The following APC variants were observed in gnomAD, a reference collection of about 807,000 sequenced individuals.
APC encodes the protein adenomatous polyposis coli protein.
APC carries 72 observed loss-of-function variants against 247.0 expected under a neutral mutation model. That is an observed-to-expected ratio of 0.29 (90% CI 0.24 to 0.35). The LOEUF (loss-of-function observed/expected upper bound fraction) is 0.35. APC is among the 10% of genes least tolerant of loss of function. The probability of loss-of-function intolerance (pLI) is 1.00; values close to 1 mark genes in which losing one functional copy is unlikely to be tolerated. For synonymous variants in APC, 1,254 were observed against 1,162.5 expected (o/e 1.08, Z -1.60); for missense variants, 3,400 against 3,360.7 (o/e 1.01, Z -0.29).
chr5:112,831,619 C>G (rs142771902), intron 14 of APC, among the ~76,000 whole-genome samples: 50 of 152,282 alleles, frequency 3.3e-4, no homozygotes, highest in African/African-American at 1.1e-3. Context: ...CCTTCTAGCT[C>G]CCCTGCATGT....
At position 112,841,867 on chromosome 5, in the gene APC, T is replaced by C. The variant is rs368356944; in HGVS notation, c.6273T>C (p.Gly2091=). ...KDIQRPDSEH[G]LSPDSENFDW... ...TACAGAGACCAGATTCAGAACATGG[T>C]CTATCCCCTGATTCAGAAAATTTTG... Residue 2091 remains glycine, a synonymous_variant, in exon 16 of 16, where the codon GGT becomes GGC. Coordinates refer to ENST00000257430, the MANE Select transcript of APC (RefSeq NM_000038.6). This position sits in a 1 kb window ranked among gnomAD's most constrained non-coding sequence, Gnocchi z 4.6. 23 of 1,613,980 alleles carry C rather than the reference T, an allele frequency of 1.4e-5. No homozygotes were observed. Among genetic ancestry groups the C allele is most frequent in the Non-Finnish European group, 1.9e-5 (23 of 1,179,902 alleles).
chr5:112,803,098 G>A (rs1761007908), intron 8 of APC, among the ~76,000 whole-genome samples: 1 of 151,986 alleles, frequency 6.6e-6, no homozygotes, highest in Non-Finnish European at 1.5e-5. Context: ...TTTCGTGGGG[G>A]GGCCATTTAG....
At chr5:112,793,433 TAAA>T (rs944210533) in intron 7 of APC, among the ~76,000 whole-genome samples, 4 of 151,306 alleles carry the variant, frequency 2.6e-5, no homozygotes, top group African/African-American at 9.7e-5. Context: ...GAGAGAACAT[TAAA>T]AAGGGAGAAA....
At chr5:112,759,857 T>C (rs1755454947) in intron 2 of APC, among the ~76,000 whole-genome samples, 1 of 152,194 alleles carries the variant, frequency 6.6e-6, no homozygotes, top group African/African-American at 2.4e-5. Context: ...GGAACTGCTT[T>C]GCAATTGTAT....
rs2149883068 is a variant in APC, at chr5:112,838,642, T to C, written c.3048T>C (p.Asp1016=). Reference sequence around the variant, plus strand: ...TACATAGTGCAAATCATATGGATGATAATGATGGAGAACTAGATACACCAA... The same window carrying C: ...TACATAGTGCAAATCATATGGATGACAATGATGGAGAACTAGATACACCAA... ...HKIHSANHMD[D]NDGELDTPIN... Residue 1016 remains aspartate, a synonymous_variant, in exon 16 of 16, where the codon GAT becomes GAC. Coordinates refer to ENST00000257430, the MANE Select transcript of APC (RefSeq NM_000038.6). The C allele has an allele frequency of 6.2e-7, 1 of 1,614,128 alleles. No homozygotes were observed. Among genetic ancestry groups the C allele is most frequent in the Non-Finnish European group, 8.5e-7 (1 of 1,180,020 alleles).
Position 112,840,764 on chromosome 5 carries a change from C to T in APC, c.5170C>T (p.Leu1724Phe), listed in dbSNP as rs201415309. Residue 1724 changes from leucine (L) to phenylalanine (F), a missense_variant, in exon 16 of 16, where the codon CTT becomes TTT. Around this residue, in one of 9 missense-constraint regions of APC, gnomAD observed 1,788 missense variants for 1,649.5 expected, o/e 1.08. Coordinates refer to ENST00000257430, the MANE Select transcript of APC (RefSeq NM_000038.6). The surrounding 1 kb of genome is among the most constrained non-coding windows in gnomAD (Gnocchi z 4.1). ...CAATAAAGCAGAGGAAGGTGATATT[C>T]TTGCAGAATGCATTAATTCTGCTAT... ...DDNKAEEGDI[L>F]AECINSAMPK... is the part of the protein sequence containing the mutation. 6.2e-7 allele frequency: 1 copy of T among 1,613,936 alleles called. No homozygotes were observed. Among genetic ancestry groups the T allele is most frequent in the Non-Finnish European group, 8.5e-7 (1 of 1,179,848 alleles).
At chr5:112,822,449 A>T (rs1045177508) in intron 11 of APC, among the ~76,000 whole-genome samples, 4 of 152,174 alleles carry the variant, frequency 2.6e-5, no homozygotes, top group African/African-American at 9.7e-5. Flanking sequence ...ACTTTACAGG[A>T]TTTTCATCAT....
rs746943534 is a variant in APC, at chr5:112,841,137, C to A, written c.5543C>A (p.Pro1848His). 1 of 1,612,674 alleles carries A rather than the reference C, an allele frequency of 6.2e-7. No homozygotes were observed. Among genetic ancestry groups the A allele is most frequent in the Non-Finnish European group, 8.5e-7 (1 of 1,178,776 alleles). The change falls in exon 16 of 16, where the codon CCT becomes CAT. Residue 1848 changes from proline to histidine, a missense_variant. Pro to His is a moderately conservative substitution (Grantham distance 77). This residue lies in a region of APC where 1,788 missense variants were observed against 1,649.5 expected (regional missense o/e 1.08). Coordinates refer to ENST00000257430, the MANE Select transcript of APC (RefSeq NM_000038.6). This position sits in a 1 kb window ranked among gnomAD's most constrained non-coding sequence, Gnocchi z 4.6. ...FAFDSPHHYT[P>H]IEGTPYCFSR... ...TTTGATTCACCTCATCATTACACGC[C>A]TATTGAAGGAACTCCTTACTGTTTT... is the stretch of plus-strand genomic sequence containing the variant.
chr5:112,801,415 A>G (rs1760815654), intron 8 of APC, 32 bp downstream of exon 8: 2 of 1,427,422 alleles, frequency 1.4e-6, no homozygotes, highest in African/African-American at 1.4e-5. Context: ...ATTTTTTAAA[A>G]TTATTTAAAT....
rs1766280994 is a variant in APC, at chr5:112,842,300, G to A, written c.6706G>A (p.Val2236Ile). 2 of 1,613,904 alleles carry A rather than the reference G, an allele frequency of 1.2e-6. No homozygotes were observed. The highest frequency in any genetic ancestry group is 2.2e-5 in the South Asian group (2 of 91,082). The change falls in exon 16 of 16, where the codon GTT (valine) becomes ATT (isoleucine). Residue 2236 changes from valine to isoleucine, a missense_variant. By Grantham distance (29) the Val-to-Ile change is conservative. This residue lies in a region of APC where 1,788 missense variants were observed against 1,649.5 expected (regional missense o/e 1.08). Coordinates refer to ENST00000257430, the MANE Select transcript of APC (RefSeq NM_000038.6). ...CAGGACAATGATTCATATTCCAGGAGTTCGAAATAGCTCCTCAAGTACAAG... is the reference window on the plus strand; with the variant it reads ...CAGGACAATGATTCATATTCCAGGAATTCGAAATAGCTCCTCAAGTACAAG... Reference protein sequence around the residue: ...RGRTMIHIPGVRNSSSSTSPV... With the variant: ...RGRTMIHIPGIRNSSSSTSPV...
intron 2 of APC, among the ~76,000 whole-genome samples, chr5:112,755,682 A>T (rs1406342494): frequency 6.6e-6 from 1 of 152,256 alleles, no homozygotes; most frequent in African/African-American, 2.4e-5. Context: ...CAGGTTAGAA[A>T]ATCGTCTATA....
At chr5:112,765,607 G>C (rs778766837) in intron 2 of APC, among the ~76,000 whole-genome samples, 7 of 152,094 alleles carry the variant, frequency 4.6e-5, no homozygotes, top group Non-Finnish European at 8.8e-5. Context: ...ACTATGCTAG[G>C]AGCTAGAATG....
chr5:112,798,860 AT>A (rs1328270500), intron 7 of APC, among the ~76,000 whole-genome samples: 1 of 152,180 alleles, frequency 6.6e-6, no homozygotes, highest in Non-Finnish European at 1.5e-5. Flanking sequence ...TTTACTAGAT[AT>A]GTGACTGAAA....
At position 112,806,339 on chromosome 5, in the gene APC, T is replaced by C. The variant is rs77356839; in HGVS notation, c.834+4956T>C. 4.4e-3 allele frequency among the ~76,000 whole-genome samples: 677 copies of C among 152,322 alleles called. 1 individual carries two copies. Among genetic ancestry groups the C allele is most frequent in the African/African-American group, 0.016 (645 of 41,564 alleles). ...GCAGGGATTCTATCTAGTTTTGTTA[T>C]TTTCATACCCACACAGTCCCTGATA... is the stretch of plus-strand genomic sequence containing the variant. On this transcript the variant is annotated intron_variant, in intron 8 of 15. Coordinates refer to ENST00000257430, the MANE Select transcript of APC (RefSeq NM_000038.6).
chr5:112,842,634 G>T lies in APC; in HGVS notation c.7040G>T (p.Arg2347Met). Residue 2347 changes from arginine to methionine, a missense_variant, in exon 16 of 16, where the codon AGG becomes ATG. Around this residue, in one of 9 missense-constraint regions of APC, gnomAD observed 1,788 missense variants for 1,649.5 expected, o/e 1.08. Coordinates refer to ENST00000257430, the MANE Select transcript of APC (RefSeq NM_000038.6). Reference protein sequence around the residue: ...SPPNKLSQLPRTSSPSTASTK... With the variant: ...SPPNKLSQLPMTSSPSTASTK... Reference sequence around the variant, plus strand: ...CCTAACAAATTATCTCAACTTCCAAGGACATCATCCCCTAGTACTGCTTCA... The same window carrying T: ...CCTAACAAATTATCTCAACTTCCAATGACATCATCCCCTAGTACTGCTTCA... The T allele has an allele frequency of 6.2e-7, 1 of 1,613,912 alleles. No homozygotes were observed. Among genetic ancestry groups the T allele is most frequent in the Non-Finnish European group, 8.5e-7 (1 of 1,179,878 alleles).
Position 112,843,178 on chromosome 5 carries a change from T to C in APC, c.7584T>C (p.Ile2528=), listed in dbSNP as rs2149990093. Reference sequence around the variant, plus strand: ...GAAGACCAGCAAAGCGCCATGATATTGCACGGTCTCATTCTGAAAGTCCTT... The same window carrying C: ...GAAGACCAGCAAAGCGCCATGATATCGCACGGTCTCATTCTGAAAGTCCTT... ...NDGRPAKRHD[I]ARSHSESPSR... Residue 2528 remains isoleucine (I), a synonymous_variant, in exon 16 of 16, where the codon ATT becomes ATC. Coordinates refer to ENST00000257430, the MANE Select transcript of APC (RefSeq NM_000038.6). This position sits in a 1 kb window ranked among gnomAD's most constrained non-coding sequence, Gnocchi z 4.8. 6.2e-7 allele frequency: 1 copy of C among 1,613,374 alleles called. No individual in the cohort carries two copies.
rs770396841 is a variant in APC at position 112,767,146 on chromosome 5, T to C, written c.221-43T>C. 110 of 1,464,232 alleles carry C rather than the reference T, an allele frequency of 7.5e-5. No homozygotes were observed. Among genetic ancestry groups the C allele is most frequent in the Non-Finnish European group, 9.8e-5 (103 of 1,046,724 alleles). The allele number at this position is 1,464,232 out of a possible 1,614,324, so 90.7% of individuals were successfully genotyped here. The stretch of plus-strand genomic sequence containing the variant: ...TAACATTAAGAATATTTTAGACTGC[T>C]TAAAGCAATTGTTGTATAAAAACTT... On this transcript the variant is annotated intron_variant, in intron 3 of 15. Coordinates refer to ENST00000257430, the MANE Select transcript of APC (RefSeq NM_000038.6).
intron 8 of APC, among the ~76,000 whole-genome samples, chr5:112,814,745 G>C (rs1762324186): frequency 6.6e-6 from 1 of 152,112 alleles, no homozygotes; most frequent in African/African-American, 2.4e-5. Context: ...CAACATCTTT[G>C]AAATGACATG....
intron 1 of APC, among the ~76,000 whole-genome samples, chr5:112,745,689 C>G (rs547867739): frequency 1.3e-5 from 2 of 151,902 alleles, no homozygotes; most frequent in African/African-American, 4.8e-5. Context: ...CCCCCCACCC[C>G]ACACCATAGC....
Sources: allele counts gnomAD v4.1 joint callset (sites outside exome capture counted in the v4.1 genomes callset), GRCh38; gene constraint gnomAD v4.1.1; regional missense constraint gnomAD v4.1.1; non-coding constraint Gnocchi (gnomAD v3.1); transcripts MANE v1.5; gene names NCBI Gene and HGNC (gene_info 2026-07-23, HGNC 2026-07-21).